Variants in CYFIP2 observed in about 807,000 individuals in gnomAD.
CYFIP2 encodes cytoplasmic FMR1 interacting protein 2, also known as cytoplasmic FMR1-interacting protein 2.
CYFIP2 carries 29 observed loss-of-function variants against 158.7 expected under a neutral mutation model. That is an observed-to-expected ratio of 0.18 (90% CI 0.14 to 0.25). CYFIP2 has a LOEUF of 0.25. Ranked by LOEUF, CYFIP2 falls within the 10% of genes least tolerant of loss-of-function variation. The probability of loss-of-function intolerance (pLI) is 1.00; values close to 1 mark genes in which losing one functional copy is unlikely to be tolerated. For synonymous variants in CYFIP2, 585 were observed against 617.6 expected, an observed-to-expected ratio of 0.95 and a Z score of 0.78; for missense variants, 852 against 1,639.5, an observed-to-expected ratio of 0.52 and a Z score of 8.29.
chr5:157,319,938 C>T lies in CYFIP2; in HGVS notation c.1523+10C>T. 6.2e-7 allele frequency: 1 copy of T among 1,613,424 alleles called. No individual in the cohort carries two copies. Among genetic ancestry groups the T allele is most frequent in the East Asian group, 2.2e-5 (1 of 44,886 alleles). On this transcript the variant is annotated intron_variant, in intron 14 of 30. Coordinates refer to ENST00000620254, the MANE Select transcript of CYFIP2 (RefSeq NM_001037333.3). Reference sequence around the variant, plus strand: ...AGAATGTCCTCATCAGGTGGGTTTTCAGATGCCTTCAGGAGCATATCAGAC... The same window carrying T: ...AGAATGTCCTCATCAGGTGGGTTTTTAGATGCCTTCAGGAGCATATCAGAC...
rs367713994 is a variant in CYFIP2, at chr5:157,330,798, C to T, written c.2213C>T (p.Pro738Leu). ...AECKNYGVII[P>L]YPPSNRYETL... ...TGTAAGAATTATGGCGTCATCATTCCGTATCCACCGTCCAATCGCTATGAA... is the reference window on the plus strand; with the variant it reads ...TGTAAGAATTATGGCGTCATCATTCTGTATCCACCGTCCAATCGCTATGAA... The change falls in exon 20 of 31, where the codon CCG (proline) becomes CTG (leucine). Residue 738 changes from proline to leucine, a missense_variant. Pro to Leu is a moderately conservative substitution (Grantham distance 98). Coordinates refer to ENST00000620254, the MANE Select transcript of CYFIP2 (RefSeq NM_001037333.3). The T allele has an allele frequency of 6.2e-6, 10 of 1,613,826 alleles. No homozygotes were observed. Among genetic ancestry groups the T allele is most frequent in the African/African-American group, 4.0e-5 (3 of 74,894 alleles).
chr5:157,316,199 T>C (rs1297722925), intron 13 of CYFIP2, among the ~76,000 whole-genome samples: 1 of 152,216 alleles, frequency 6.6e-6, no homozygotes, highest in East Asian at 1.9e-4. Context: ...ATCTGTAGTT[T>C]TCATGCAGAC....
chr5:157,365,657 T>C (rs905925123), intron 26 of CYFIP2, among the ~76,000 whole-genome samples: 4 of 151,936 alleles, frequency 2.6e-5, no homozygotes, highest in African/African-American at 9.7e-5. Context: ...GTACCATAGA[T>C]GGTTCTTTCA....
intron 23 of CYFIP2, chr5:157,342,604 C>T (rs766318092): frequency 2.5e-6 from 1 of 406,984 alleles, no homozygotes; most frequent in Non-Finnish European, 4.4e-6. Context: ...AATGTTAAAA[C>T]AATGCTTTCA....
intron 26 of CYFIP2, chr5:157,363,720 G>C (rs1764065828): frequency 6.6e-6 from 1 of 152,472 alleles, no homozygotes; most frequent in South Asian, 2.1e-4. Flanking sequence ...AAGGCCTGGG[G>C]GCTACTGGGA....
At position 157,359,032 on chromosome 5, in the gene CYFIP2, T is replaced by G; in HGVS notation, c.2701T>G (p.Tyr901Asp). ...TCTCAACATTGCCTACAGCCACATC[T>G]ACAGCTCCTACAGGAATTTCGTGGG... Reference protein sequence around the residue: ...KPLNIAYSHIYSSYRNFVGPP... With the variant: ...KPLNIAYSHIDSSYRNFVGPP... Residue 901 changes from tyrosine to aspartate, a missense_variant, in exon 24 of 31, where the codon TAC becomes GAC. Tyr to Asp is a radical substitution (Grantham distance 160). Transcript: ENST00000620254. 6.2e-7 allele frequency: 1 copy of G among 1,614,034 alleles called. No individual in the cohort carries two copies. Among genetic ancestry groups the G allele is most frequent in the Non-Finnish European group, 8.5e-7 (1 of 1,179,888 alleles).
At position 157,318,193 on chromosome 5, in the gene CYFIP2, C is replaced by A. The variant is rs963292685; in HGVS notation, c.1357-1569C>A. 3.3e-5 allele frequency among the ~76,000 whole-genome samples: 5 copies of A among 152,040 alleles called. No homozygotes were observed. In the East Asian group the frequency reaches 9.6e-4, roughly 29 times the overall value. On this transcript the variant is annotated intron_variant, in intron 13 of 30. Coordinates refer to ENST00000620254, the MANE Select transcript of CYFIP2 (RefSeq NM_001037333.3). ...TTTGCCTTTTCATTTTTTAAGGGTG[C>A]CTTTTGAAGAGCAGCTGTTTTTAAT...
Position 157,282,595 on chromosome 5 carries a change from T to C in CYFIP2, c.-23-2744T>C, listed in dbSNP as rs137855710. Among the ~76,000 whole-genome samples the C allele has an allele frequency of 9.1e-4, 138 of 152,358 alleles. 1 individual carries two copies. Among genetic ancestry groups the C allele is most frequent in the African/African-American group, 3.2e-3 (133 of 41,578 alleles). On this transcript the variant is annotated intron_variant, in intron 1 of 30. Coordinates refer to ENST00000620254, the MANE Select transcript of CYFIP2 (RefSeq NM_001037333.3). ...ATATATCTTTGTGTATTTTTGTCAA[T>C]GCATCTTTGGGACAGATTCCTAGAA...
chr5:157,381,880 G>A (rs984898009), intron 26 of CYFIP2, among the ~76,000 whole-genome samples: 7 of 152,144 alleles, frequency 4.6e-5, no homozygotes, highest in Non-Finnish European at 1.0e-4. Context: ...AGCAAACCCC[G>A]GCAGAGGATG....
intron 23 of CYFIP2, chr5:157,341,958 G>A (rs74356688): frequency 0.031 from 4,703 of 152,384 alleles, 108 homozygotes; most frequent in South Asian, 0.05. Context: ...ACACTGACTC[G>A]CAAAGTAAAA....
chr5:157,394,990 T>C lies in CYFIP2; in HGVS notation c.*1990T>C, dbSNP rs546467252. ...TAGCTGGCTCTCTGTAGCTGATAGA[T>C]GGCTAGAGTTCCATCCAAATCCTTG... On this transcript the variant is annotated 3_prime_UTR_variant, in exon 31 of 31. Transcript: ENST00000620254. 2 of 153,290 alleles carry C rather than the reference T, an allele frequency of 1.3e-5. No homozygotes were observed. The highest frequency in any genetic ancestry group is 2.1e-4 in the South Asian group (1 of 4,860). 9.5% of individuals were successfully genotyped at this position (153,290 alleles called of 1,614,324 possible). A position where few individuals can be genotyped will look rare whatever the true frequency, so the allele number is the denominator to read the frequency against.
intron 23 of CYFIP2, among the ~76,000 whole-genome samples, chr5:157,351,744 A>G (rs529074672): frequency 4.6e-4 from 70 of 152,332 alleles, no homozygotes; most frequent in African/African-American, 1.5e-3. Flanking sequence ...TCTTCAGTCC[A>G]TAGTAGCCCT....
In CYFIP2 at chr5:157,361,533, G is replaced by C; in HGVS notation, c.2974G>C (p.Val992Leu). Residue 992 changes from valine to leucine, a missense_variant, in exon 26 of 31, where the codon GTG (valine) becomes CTG (leucine). Physicochemically the swap from Val to Leu is conservative, Grantham distance 32. Transcript: ENST00000620254. This position sits in a 1 kb window ranked among gnomAD's most constrained non-coding sequence, Gnocchi z 4.4. ...TGAGTACGCAGAGCTCAAAACAGAC[G>C]TGTTCCAGAGCCTGAGGGAAGTGGG... ...IIEYAELKTD[V>L]FQSLREVGNA... The C allele has an allele frequency of 6.2e-7, 1 of 1,614,020 alleles. No homozygotes were observed. The highest frequency in any genetic ancestry group is 8.5e-7 in the Non-Finnish European group (1 of 1,180,000).
intron 26 of CYFIP2, among the ~76,000 whole-genome samples, chr5:157,374,179 C>G (rs1485583169): frequency 8.5e-5 from 13 of 152,144 alleles, no homozygotes; most frequent in Admixed American, 8.5e-4. Flanking sequence ...GAATTGGTGT[C>G]AGAATCCTCT....
intron 24 of CYFIP2, among the ~76,000 whole-genome samples, chr5:157,360,041 C>T (rs575595338): frequency 1.3e-5 from 2 of 152,196 alleles, no homozygotes; most frequent in Non-Finnish European, 2.9e-5. Context: ...TATAAGCATC[C>T]TCAGCCCCAG....
intron 28 of CYFIP2, among the ~76,000 whole-genome samples, chr5:157,385,364 C>A (rs1390460168): frequency 6.6e-6 from 1 of 152,224 alleles, no homozygotes; most frequent in Non-Finnish European, 1.5e-5. Context: ...TAGTCCAAAA[C>A]TTAGTCATTC....
At chr5:157,324,256 G>T (rs1182989821) in intron 16 of CYFIP2, among the ~76,000 whole-genome samples, 182 bp downstream of exon 16, 2 of 152,196 alleles carry the variant, frequency 1.3e-5, no homozygotes, top group African/African-American at 2.4e-5. Context: ...GAAAGGCCAG[G>T]TTCAACTCAG....
chr5:157,269,210 A>G (rs1755873792), intron 1 of CYFIP2: 1 of 152,036 alleles, frequency 6.6e-6, no homozygotes, highest in Admixed American at 6.6e-5. Flanking sequence ...GTGATAGGGC[A>G]TGAAGTGAAA....
intron 30 of CYFIP2, among the ~76,000 whole-genome samples, chr5:157,391,107 G>A (rs527987552): frequency 6.6e-6 from 1 of 152,074 alleles, no homozygotes; most frequent in Admixed American, 6.5e-5. Context: ...GGGAGGCTGT[G>A]TCTGGGCTGA....
Sources: allele counts gnomAD v4.1 joint callset (sites outside exome capture counted in the v4.1 genomes callset), GRCh38; gene constraint gnomAD v4.1.1; non-coding constraint Gnocchi (gnomAD v3.1); transcripts MANE v1.5; gene names NCBI Gene and HGNC (gene_info 2026-07-23, HGNC 2026-07-21).